EP300: variants seen among roughly 807,000 people sequenced by gnomAD.
EP300 encodes EP300 lysine acetyltransferase, also known as histone acetyltransferase p300.
In EP300, 31 loss-of-function variants were observed where a neutral mutation model predicts 264.0. The observed-to-expected ratio is 0.12, with a 90% CI of 0.09 to 0.16. The LOEUF (loss-of-function observed/expected upper bound fraction) is 0.16, where lower values mean the gene tolerates loss of function less well. Among genes scored for constraint, EP300 ranks in the 10% least tolerant of loss-of-function variants. The pLI is 1.00. For synonymous variants in EP300, 1,340 were observed against 1,045.4 expected (o/e 1.28, Z -5.44); for missense variants, 2,766 against 3,052.9 (o/e 0.91, Z 2.21).
At chr22:41,162,504 C>T (rs1473713768) in intron 20 of EP300, among the ~76,000 whole-genome samples, 2 of 152,118 alleles carry the variant, frequency 1.3e-5, no homozygotes, top group African/African-American at 4.8e-5. Context: ...CTGGGTTCTC[C>T]ATTTCTGATA....
At chr22:41,164,263 C>T in intron 22 of EP300, 133 bp downstream of exon 22, 1 of 868,580 alleles carries the variant, frequency 1.2e-6, no homozygotes. Context: ...TGGGTTTGGC[C>T]ACGATAATTA....
chr22:41,134,290 C>A (rs2058937580), intron 6 of EP300, among the ~76,000 whole-genome samples: 1 of 150,212 alleles, frequency 6.7e-6, no homozygotes, highest in South Asian at 2.1e-4. Context: ...TAACTAGAAA[C>A]GTACGTGTGT....
chr22:41,135,427 G>A (rs1413974045), intron 6 of EP300, among the ~76,000 whole-genome samples: 2 of 152,032 alleles, frequency 1.3e-5, no homozygotes, highest in East Asian at 1.9e-4. Flanking sequence ...AATTTTGGGG[G>A]ATTTTTGCCC....
rs1683516394 is a variant in EP300 at position 41,179,545 on chromosome 22, AAAAC to A, written c.*590_*593del. 2 of 193,134 alleles carry A rather than the reference AAAAC, an allele frequency of 1.0e-5. No individual in the cohort carries two copies. The highest frequency in any genetic ancestry group is 3.9e-4 in the South Asian group (2 of 5,160). The allele number at this position is 193,134 out of a possible 1,614,324, so 12.0% of individuals were successfully genotyped here. ...TTTAAAAAATGTTTAAAAAAAAAAA[AAAAC>A]TGCCTTTCTTCCCCTCAAGTCAACT... On this transcript the variant is annotated 3_prime_UTR_variant, in exon 31 of 31. Coordinates refer to ENST00000263253, the MANE Select transcript of EP300 (RefSeq NM_001429.4).
intron 1 of EP300, among the ~76,000 whole-genome samples, chr22:41,093,728 C>T (rs924866200): frequency 6.6e-6 from 1 of 152,106 alleles, no homozygotes; most frequent in Non-Finnish European, 1.5e-5. Flanking sequence ...TTCACATCTC[C>T]CAGTTCTTTG....
At chr22:41,099,919 G>C (rs998348509) in intron 1 of EP300, among the ~76,000 whole-genome samples, 11 of 152,174 alleles carry the variant, frequency 7.2e-5, no homozygotes, top group African/African-American at 2.7e-4. Context: ...AGGCTACTCA[G>C]AATGGCGCAC....
chr22:41,113,978 C>T (rs571386347), intron 1 of EP300, among the ~76,000 whole-genome samples: 30 of 151,434 alleles, frequency 2.0e-4, no homozygotes, highest in African/African-American at 7.3e-4. Flanking sequence ...ATTTTTTTGC[C>T]CTCTATGTTC....
chr22:41,169,700 C>T, intron 26 of EP300, 84 bp downstream of exon 26: 2 of 818,174 alleles, frequency 2.4e-6, no homozygotes, highest in Non-Finnish European at 4.1e-6. Context: ...AAATATATAA[C>T]TCTTGGCCTT....
In EP300 at chr22:41,152,019, G is replaced by A. The variant is rs2059048882; in HGVS notation, c.2997+7G>A. The A allele has an allele frequency of 6.2e-7, 1 of 1,614,178 alleles. No homozygotes were observed. The highest frequency in any genetic ancestry group is 8.5e-7 in the Non-Finnish European group (1 of 1,180,012). The stretch of plus-strand genomic sequence containing the variant: ...GCCGGAGGATATTTCAGAGGTGAGA[G>A]TAGGGCAATTACTGTTTGATTTGGT... On this transcript the variant is annotated splice_region_variant and intron_variant, in intron 15 of 30. Coordinates refer to ENST00000263253, the MANE Select transcript of EP300 (RefSeq NM_001429.4).
intron 4 of EP300, among the ~76,000 whole-genome samples, chr22:41,128,579 C>G (rs958323321): frequency 2.6e-5 from 4 of 152,122 alleles, no homozygotes; most frequent in Non-Finnish European, 5.9e-5. Context: ...ACAATCTCGG[C>G]TCACTGCAAA....
chr22:41,093,115 C>T lies in EP300; in HGVS notation c.94+17C>T, dbSNP rs752311965. On this transcript the variant is annotated intron_variant, in intron 1 of 30. Coordinates refer to ENST00000263253, the MANE Select transcript of EP300 (RefSeq NM_001429.4). The stretch of plus-strand genomic sequence containing the variant: ...ATGGCACAGGTTAGTTTCGGCAGCC[C>T]CGGCCTTCCACGTTCCCTTTAATCT... 63 of 1,613,192 alleles carry T rather than the reference C, an allele frequency of 3.9e-5. No homozygotes were observed. Among genetic ancestry groups the T allele is most frequent in the Non-Finnish European group, 5.2e-5 (61 of 1,179,392 alleles).
chr22:41,131,075 G>A (rs1286386433), intron 5 of EP300, among the ~76,000 whole-genome samples: 1 of 152,202 alleles, frequency 6.6e-6, no homozygotes, highest in Non-Finnish European at 1.5e-5. Flanking sequence ...AGTGTAGGCA[G>A]AAATGATGCT....
At chr22:41,131,891 A>G (rs1357445106) in intron 6 of EP300, among the ~76,000 whole-genome samples, 1 of 152,150 alleles carries the variant, frequency 6.6e-6, no homozygotes, top group Non-Finnish European at 1.5e-5. Context: ...TTCCACAACA[A>G]ACTTTGATTA....
intron 29 of EP300, 38 bp downstream of exon 29, chr22:41,173,822 A>G (rs1601637027): frequency 6.2e-7 from 1 of 1,612,958 alleles, no homozygotes; most frequent in Non-Finnish European, 8.5e-7. Flanking sequence ...AAAAACGGCA[A>G]GATTTCTGGC....
intron 23 of EP300, chr22:41,168,162 T>C (rs2059151090): frequency 2.4e-6 from 1 of 419,260 alleles, no homozygotes; most frequent in South Asian, 2.2e-5. Context: ...AATTGGAAAT[T>C]TTTCAAAATG....
At position 41,127,754 on chromosome 22, in the gene EP300, T is replaced by C. The variant is rs774346356; in HGVS notation, c.1168+6T>C. 29 of 1,614,178 alleles carry C rather than the reference T, an allele frequency of 1.8e-5. No individual in the cohort carries two copies. The highest frequency in any genetic ancestry group is 2.5e-5 in the Non-Finnish European group (29 of 1,180,048). Reference sequence around the variant, plus strand: ...GTCAGGCAAGTCTTGCCAAGGTAAGTGGACCCACAGGGTTACTGTACTTAG... The same window carrying C: ...GTCAGGCAAGTCTTGCCAAGGTAAGCGGACCCACAGGGTTACTGTACTTAG... On this transcript the variant is annotated splice_donor_region_variant and intron_variant, in intron 4 of 30. Transcript: ENST00000263253.
intron 1 of EP300, among the ~76,000 whole-genome samples, chr22:41,111,599 A>G (rs969426303): frequency 7.9e-5 from 12 of 151,496 alleles, no homozygotes; most frequent in East Asian, 3.9e-4. Flanking sequence ...GTAGAGTGCA[A>G]TGGCACTATC....
chr22:41,135,899 T>C lies in EP300; in HGVS notation c.1615T>C (p.Ser539Pro). The C allele has an allele frequency of 6.2e-7, 1 of 1,613,262 alleles. No individual in the cohort carries two copies. The change falls in exon 7 of 31, where the codon TCT (serine) becomes CCT (proline). Residue 539 changes from serine (S) to proline (P), a missense_variant. By Grantham distance (74) the Ser-to-Pro change is moderately conservative (BLOSUM62 -1). Transcript: ENST00000263253. The part of the protein sequence containing the change: ...SDSMLHSAIN[S>P]QNPMMSENAS... Reference sequence around the variant, plus strand: ...CTCAATGTTGCATTCAGCCATAAATTCTCAAAAGTAAGTCTTAACGTGATT... The same window carrying C: ...CTCAATGTTGCATTCAGCCATAAATCCTCAAAAGTAAGTCTTAACGTGATT...
rs1601642386 is a variant in EP300, at chr22:41,178,719, TCCACACCACGTTTCC to T, written c.7014_7028del (p.His2338_Pro2342del). The T allele has an allele frequency of 6.2e-7, 1 of 1,614,032 alleles. No homozygotes were observed. On this transcript the variant is annotated inframe_deletion, in exon 31 of 31. Transcript: ENST00000263253. ...CCCCAAGGATGCAGCCTCAGCCTTC[TCCACACCACGTTTCC>T]CCACAGACAAGTTCCCCACATCCTG...
Sources: allele counts gnomAD v4.1 joint callset (sites outside exome capture counted in the v4.1 genomes callset), GRCh38; gene constraint gnomAD v4.1.1; transcripts MANE v1.5; gene names NCBI Gene and HGNC (gene_info 2026-07-23, HGNC 2026-07-21).